RALYL: variants seen among roughly 807,000 people sequenced by gnomAD.
RALYL encodes RNA-binding Raly-like protein.
RALYL carries 29 observed loss-of-function variants against 35.1 expected under a neutral mutation model. That is an observed-to-expected ratio of 0.83 (90% CI 0.61 to 1.13). The LOEUF is 1.13. Among genes scored for constraint, RALYL ranks in the 50% most tolerant of loss-of-function variants. The pLI is 0.00. For missense variants in RALYL, 359 were observed against 360.4 expected (o/e 1.00, Z 0.03); for synonymous variants, 120 against 127.6 (o/e 0.94, Z 0.40).
chr8:84,737,702 T>C (rs1847568704), intron 2 of RALYL, among the ~76,000 whole-genome samples: 2 of 151,964 alleles, frequency 1.3e-5, no homozygotes, highest in South Asian at 4.1e-4. Context: ...TGGTGGTGTC[T>C]GGAGGAGGGG....
intron 2 of RALYL, among the ~76,000 whole-genome samples, chr8:84,663,760 T>C (rs1831366190): frequency 6.6e-6 from 1 of 152,170 alleles, no homozygotes; most frequent in South Asian, 2.1e-4. Flanking sequence ...TCTCCCATTC[T>C]CTAGGCTGTC....
chr8:84,526,227 T>C (rs2058885532), intron 1 of RALYL, among the ~76,000 whole-genome samples: 1 of 152,142 alleles, frequency 6.6e-6, no homozygotes, highest in Non-Finnish European at 1.5e-5. Context: ...AGTGCAGGGA[T>C]TACAGGCGTG....
rs540513033 is a variant in RALYL, at chr8:84,354,806, A to T, written c.-24+170382A>T. 4.0e-5 allele frequency among the ~76,000 whole-genome samples: 6 copies of T among 150,202 alleles called. 2 individuals carry two copies. The highest frequency in any genetic ancestry group is 1.5e-4 in the African/African-American group (6 of 40,368). ...ACTTTGGGATTTTTATGTTTATTACACTGAGAGCTTAAGGTTTCAGTTTTC... is the reference window on the plus strand; with the variant it reads ...ACTTTGGGATTTTTATGTTTATTACTCTGAGAGCTTAAGGTTTCAGTTTTC... On this transcript the variant is annotated intron_variant, in intron 1 of 8. Transcript: ENST00000521268.
At chr8:84,844,227 AG>A (rs1181951414) in intron 4 of RALYL, among the ~76,000 whole-genome samples, 1 of 152,214 alleles carries the variant, frequency 6.6e-6, no homozygotes, top group Non-Finnish European at 1.5e-5. Flanking sequence ...CATCTGATAA[AG>A]GGTTAATATC....
intron 2 of RALYL, among the ~76,000 whole-genome samples, chr8:84,685,099 C>T (rs1836473286): frequency 6.6e-6 from 1 of 152,092 alleles, no homozygotes; most frequent in African/African-American, 2.4e-5. Context: ...TCGTCTAACT[C>T]ATTACCTCCC....
chr8:84,340,005 G>A (rs548590374), intron 1 of RALYL, among the ~76,000 whole-genome samples: 141 of 152,130 alleles, frequency 9.3e-4, no homozygotes, highest in African/African-American at 3.1e-3. Flanking sequence ...TGCTGTTCCC[G>A]TGATAGTGAA....
chr8:84,301,780 T>C (rs1840832300), intron 1 of RALYL, among the ~76,000 whole-genome samples: 1 of 152,090 alleles, frequency 6.6e-6, no homozygotes, highest in African/African-American at 2.4e-5. Context: ...ATTAGAAACA[T>C]TGAGAAAGTG....
chr8:84,267,930 G>A lies in RALYL; in HGVS notation c.-24+83506G>A, dbSNP rs540253133. ...TTGACTATGCTAGATTCAGTATCAGGCAGTCTAGGCTACCCTATCATTTGT... is the reference window on the plus strand; with the variant it reads ...TTGACTATGCTAGATTCAGTATCAGACAGTCTAGGCTACCCTATCATTTGT... On this transcript the variant is annotated intron_variant, in intron 1 of 8. Transcript: ENST00000521268. 6.6e-5 allele frequency among the ~76,000 whole-genome samples: 10 copies of A among 152,248 alleles called. 1 individual carries two copies. The highest frequency in any genetic ancestry group is 5.9e-4 in the Admixed American group (9 of 15,290).
intron 2 of RALYL, among the ~76,000 whole-genome samples, chr8:84,769,606 C>A (rs1365468905): frequency 6.6e-6 from 1 of 151,992 alleles, no homozygotes; most frequent in Non-Finnish European, 1.5e-5. Context: ...GCTAAAAATA[C>A]AAAAATTAGT....
At chr8:84,322,703 G>C (rs1392617740) in intron 1 of RALYL, among the ~76,000 whole-genome samples, 1 of 152,078 alleles carries the variant, frequency 6.6e-6, no homozygotes, top group Non-Finnish European at 1.5e-5. Context: ...TCATGAGTAA[G>C]AGTTTTAGAG....
intron 1 of RALYL, among the ~76,000 whole-genome samples, chr8:84,389,539 T>G (rs1416214056): frequency 8.0e-5 from 12 of 150,810 alleles, no homozygotes; most frequent in Non-Finnish European, 1.5e-4. Flanking sequence ...TTTGTAGTTC[T>G]CCTTGAAGAG....
intron 2 of RALYL, among the ~76,000 whole-genome samples, chr8:84,658,697 TATAAAAAG>T (rs1201496254): frequency 6.6e-6 from 1 of 151,984 alleles, no homozygotes; most frequent in Non-Finnish European, 1.5e-5. Context: ...AGCTTACACT[TATAAAAAG>T]ATATAAATAA....
chr8:84,395,436 G>C (rs571883576), intron 1 of RALYL, among the ~76,000 whole-genome samples: 1 of 151,940 alleles, frequency 6.6e-6, no homozygotes, highest in South Asian at 2.1e-4. Context: ...AAATACGTGA[G>C]GATTTCTGTG....
chr8:84,389,324 G>A (rs529794061), intron 1 of RALYL, among the ~76,000 whole-genome samples: 35 of 152,096 alleles, frequency 2.3e-4, no homozygotes, highest in African/African-American at 5.8e-4. Flanking sequence ...TTGGCAATGC[G>A]GGCTCTTTTT....
intron 4 of RALYL, among the ~76,000 whole-genome samples, chr8:84,844,255 C>T (rs1348639892): frequency 1.3e-5 from 2 of 152,146 alleles, no homozygotes; most frequent in Non-Finnish European, 2.9e-5. Flanking sequence ...CTACAATGAA[C>T]TCAAACAAAT....
intron 1 of RALYL, among the ~76,000 whole-genome samples, chr8:84,426,949 A>G (rs2046549598): frequency 6.6e-6 from 1 of 152,140 alleles, no homozygotes; most frequent in African/African-American, 2.4e-5. Flanking sequence ...ATGGGCACAT[A>G]CCCAAAGGAA....
chr8:84,742,929 A>G (rs1807720645), intron 2 of RALYL, among the ~76,000 whole-genome samples: 1 of 151,960 alleles, frequency 6.6e-6, no homozygotes, highest in Admixed American at 6.6e-5. Context: ...ACTACTACTT[A>G]TTGAGATCCT....
rs148195945 is a variant in RALYL at position 84,355,719 on chromosome 8, G to A, written c.-24+171295G>A. ...CACTAGGCTTATGAGGATGGAAGTG[G>A]AAAGTGAGAAATCTAGATGGATTTC... On this transcript the variant is annotated intron_variant, in intron 1 of 8. Transcript: ENST00000521268. 5.7e-4 allele frequency among the ~76,000 whole-genome samples: 86 copies of A among 150,340 alleles called. 1 individual carries two copies. The East Asian group carries it at 0.014, about 25-fold the overall frequency.
intron 2 of RALYL, among the ~76,000 whole-genome samples, chr8:84,623,454 A>G (rs954439368): frequency 1.4e-4 from 21 of 149,158 alleles, no homozygotes; most frequent in African/African-American, 1.5e-4. Context: ...TCCAAAAAAT[A>G]TTTTACCCCT....
Sources: allele counts gnomAD v4.1 joint callset (sites outside exome capture counted in the v4.1 genomes callset), GRCh38; gene constraint gnomAD v4.1.1; transcripts MANE v1.5; gene names NCBI Gene and HGNC (gene_info 2026-07-23, HGNC 2026-07-21).